Variants in LPP observed in about 807,000 individuals in gnomAD.
LPP encodes the protein lipoma-preferred partner.
LPP carries 38 observed loss-of-function variants against 60.4 expected under a neutral mutation model. That is an observed-to-expected ratio of 0.63 (90% confidence interval 0.49 to 0.83). LPP has a LOEUF of 0.83. Ranked by LOEUF, LPP falls within the 40% of genes least tolerant of loss-of-function variation. The pLI is 0.00. For synonymous variants in LPP, 328 were observed against 290.8 expected (o/e 1.13, Z -1.30); for missense variants, 902 against 783.6 (o/e 1.15, Z -1.80).
intron 1 of LPP, among the ~76,000 whole-genome samples, chr3:188,191,915 A>C (rs1728284466): frequency 6.6e-6 from 1 of 152,110 alleles, no homozygotes; most frequent in African/African-American, 2.4e-5. Context: ...TATTGAAATA[A>C]CTCTAGGTCT....
chr3:188,871,935 A>T (rs1374829288), intron 10 of LPP, among the ~76,000 whole-genome samples: 1 of 152,230 alleles, frequency 6.6e-6, no homozygotes, highest in African/African-American at 2.4e-5. Context: ...ATGTATGTGT[A>T]TGTGTGTTAG....
At chr3:188,557,228 G>C (rs1344855717) in intron 6 of LPP, among the ~76,000 whole-genome samples, 2 of 151,848 alleles carry the variant, frequency 1.3e-5, no homozygotes, top group Non-Finnish European at 2.9e-5. Flanking sequence ...AAAAAAAGAT[G>C]GTTTGATATT....
At chr3:188,320,753 A>G (rs1370864384) in intron 2 of LPP, among the ~76,000 whole-genome samples, 1 of 152,204 alleles carries the variant, frequency 6.6e-6, no homozygotes, top group Non-Finnish European at 1.5e-5. Context: ...AGCTTCATGC[A>G]CTGATGCATC....
At chr3:188,382,055 TG>T (rs1055160405) in intron 3 of LPP, among the ~76,000 whole-genome samples, 5 of 151,936 alleles carry the variant, frequency 3.3e-5, no homozygotes, top group African/African-American at 1.2e-4. Flanking sequence ...CCCAGTGTGG[TG>T]GGATTACAGG....
intron 6 of LPP, among the ~76,000 whole-genome samples, chr3:188,581,567 G>A (rs1580145976): frequency 6.6e-6 from 1 of 152,014 alleles, no homozygotes; most frequent in Admixed American, 6.5e-5. Context: ...ATTGACCACA[G>A]GACAAGTGGC....
chr3:188,769,167 A>G (rs927517324), intron 9 of LPP, among the ~76,000 whole-genome samples: 2 of 152,236 alleles, frequency 1.3e-5, no homozygotes, highest in Admixed American at 6.5e-5. Context: ...ATGCTAAAAA[A>G]GTTTTGCATG....
intron 5 of LPP, among the ~76,000 whole-genome samples, chr3:188,487,218 C>A (rs930858644): frequency 6.6e-6 from 1 of 152,102 alleles, no homozygotes; most frequent in Non-Finnish European, 1.5e-5. Flanking sequence ...ATACCTCTTA[C>A]AATTAAATGA....
intron 1 of LPP, among the ~76,000 whole-genome samples, chr3:188,203,488 TTTAA>T (rs1281035768): frequency 2.5e-5 from 2 of 80,424 alleles, no homozygotes; most frequent in African/African-American, 1.0e-4. Context: ...TATATATATT[TTTAA>T]ATATATATAA....
intron 1 of LPP, among the ~76,000 whole-genome samples, chr3:188,193,882 T>C (rs1728836453): frequency 6.6e-6 from 1 of 152,120 alleles, no homozygotes; most frequent in Admixed American, 6.5e-5. Context: ...GATTAGTCAG[T>C]GGATAGTTTT....
chr3:188,878,446 T>C lies in LPP; in HGVS notation c.*3967T>C. 2 of 215,218 alleles carry C rather than the reference T, an allele frequency of 9.3e-6. No homozygotes were observed. The highest frequency in any genetic ancestry group is 1.9e-5 in the Non-Finnish European group (2 of 106,372). The allele number at this position is 215,218 out of a possible 1,614,324, so 13.3% of individuals were successfully genotyped here. Reference sequence around the variant, plus strand: ...CATTTGTAGTTCAAACAAGCGATTGTCCATCTGTTGCCTAGAGCTATAGTA... The same window carrying C: ...CATTTGTAGTTCAAACAAGCGATTGCCCATCTGTTGCCTAGAGCTATAGTA... On this transcript the variant is annotated 3_prime_UTR_variant, in exon 12 of 12. Coordinates refer to ENST00000617246, the MANE Select transcript of LPP (RefSeq NM_001375462.1).
intron 1 of LPP, among the ~76,000 whole-genome samples, chr3:188,203,640 A>G (rs1339542755): frequency 8.6e-6 from 1 of 116,882 alleles, no homozygotes; most frequent in Non-Finnish European, 1.7e-5. Context: ...TCAAATATGT[A>G]TATATATTTT....
chr3:188,431,807 A>G (rs1415936841), intron 4 of LPP, among the ~76,000 whole-genome samples: 1 of 152,190 alleles, frequency 6.6e-6, no homozygotes, highest in African/African-American at 2.4e-5. Context: ...AACTACAGAT[A>G]TTGCATAAAA....
At chr3:188,343,494 C>G (rs186124791) in intron 3 of LPP, among the ~76,000 whole-genome samples, 68 of 152,234 alleles carry the variant, frequency 4.5e-4, no homozygotes, top group Non-Finnish European at 6.6e-4. Context: ...CTCTGTGAGG[C>G]AGAGATCTAA....
At chr3:188,759,964 G>T in intron 8 of LPP, 149 bp from the exon 9 acceptor site, 1 of 635,160 alleles carries the variant, frequency 1.6e-6, no homozygotes, top group Non-Finnish European at 2.8e-6. Context: ...GATCTTGCTG[G>T]GGTAATGGGG....
chr3:188,860,953 GA>G (rs575387314), intron 9 of LPP, among the ~76,000 whole-genome samples: 20 of 152,278 alleles, frequency 1.3e-4, no homozygotes, highest in African/African-American at 4.3e-4. Flanking sequence ...GTCTCCATTG[GA>G]CAGAGAATTA....
chr3:188,845,654 G>A (rs1761212830), intron 9 of LPP, among the ~76,000 whole-genome samples: 2 of 152,100 alleles, frequency 1.3e-5, no homozygotes, highest in South Asian at 4.1e-4. Flanking sequence ...GTGTACCCTT[G>A]ACAAGGAGAA....
rs1843499784 is a variant in LPP at position 188,610,606 on chromosome 3, T to C, written c.1113+762T>C. Among the ~76,000 whole-genome samples the C allele has an allele frequency of 6.6e-6, 1 of 152,238 alleles. No homozygotes were observed. Among genetic ancestry groups the C allele is most frequent in the Admixed American group, 6.5e-5 (1 of 15,288 alleles). On this transcript the variant is annotated intron_variant, in intron 7 of 11. Transcript: ENST00000617246. The surrounding 1 kb of genome is among the most constrained non-coding windows in gnomAD (Gnocchi z 4.4). ...AAAACTCCTTATGAGTGACAGTTACTTCTTATTTGATTTAATTGTCCATAT... is the reference window on the plus strand; with the variant it reads ...AAAACTCCTTATGAGTGACAGTTACCTCTTATTTGATTTAATTGTCCATAT...
chr3:188,689,214 C>T (rs1861562529), intron 7 of LPP, among the ~76,000 whole-genome samples: 1 of 152,162 alleles, frequency 6.6e-6, no homozygotes, highest in African/African-American at 2.4e-5. Context: ...CAAATCTATC[C>T]TCAGCTCAGT....
rs1471997506 is a variant in LPP, at chr3:188,887,401, A to T, written c.*12922A>T. On this transcript the variant is annotated 3_prime_UTR_variant, in exon 12 of 12. Transcript: ENST00000617246. ...AGGAGAGTAGCTTGAGCAGGTTATG[A>T]TATATCTGCCCAATGTGTTTCATTC... 4.6e-6 allele frequency: 1 copy of T among 216,020 alleles called. No individual in the cohort carries two copies. Among genetic ancestry groups the T allele is most frequent in the African/African-American group, 2.3e-5 (1 of 44,376 alleles). The allele number at this position is 216,020 out of a possible 1,614,324, so 13.4% of individuals were successfully genotyped here.
Sources: gnomAD v4.1 joint callset for allele counts (sites outside exome capture counted in the v4.1 genomes callset) on GRCh38, gnomAD v4.1.1 for gene constraint, Gnocchi (gnomAD v3.1) non-coding constraint, MANE v1.5 for transcripts, NCBI Gene and HGNC (gene_info 2026-07-23, HGNC 2026-07-21) for gene names.